The following E2F3 variants were observed in gnomAD, a reference collection of about 807,000 sequenced individuals.
E2F3 encodes E2F transcription factor 3.
In E2F3, 11 loss-of-function variants were observed where a neutral mutation model predicts 44.4. The observed-to-expected ratio is 0.25, with a 90% CI of 0.16 to 0.41. The LOEUF is 0.41. Among genes scored for constraint, E2F3 ranks in the 10% least tolerant of loss-of-function variants. E2F3 has a pLI of 1.00. For missense variants in E2F3, 487 were observed against 583.6 expected (o/e 0.83, Z 1.70); for synonymous variants, 249 against 253.0 (o/e 0.98, Z 0.15).
intron 1 of E2F3, chr6:20,403,684 CACCCTCCCTCTCCTCT>C: frequency 1.8e-6 from 1 of 566,112 alleles, no homozygotes; most frequent in Non-Finnish European, 3.0e-6. Context: ...CCGGCACCGC[CACCCTCCCTCTCCTCT>C]CCCCACCCCC....
chr6:20,444,832 G>A (rs1287273169), intron 1 of E2F3, among the ~76,000 whole-genome samples: 1 of 152,240 alleles, frequency 6.6e-6, no homozygotes. Context: ...AAGGTCTTGG[G>A]AAGTCCCCCT....
chr6:20,411,831 T>G (rs952390051), intron 1 of E2F3, among the ~76,000 whole-genome samples: 1 of 152,208 alleles, frequency 6.6e-6, no homozygotes, highest in Non-Finnish European at 1.5e-5. Flanking sequence ...CCTCATGGTC[T>G]GCCTCGTAGC....
chr6:20,436,532 C>T (rs1581599061), intron 1 of E2F3, among the ~76,000 whole-genome samples: 1 of 151,866 alleles, frequency 6.6e-6, no homozygotes, highest in African/African-American at 2.4e-5. Context: ...TCGTGAATTT[C>T]TGTTGGGATG....
chr6:20,466,676 C>T (rs577600829), intron 1 of E2F3, among the ~76,000 whole-genome samples: 139 of 136,348 alleles, frequency 1.0e-3, no homozygotes, highest in African/African-American at 3.5e-3. Flanking sequence ...TCATCCCTAT[C>T]GGTGTGTTCT....
chr6:20,434,435 T>C (rs1209479027), intron 1 of E2F3, among the ~76,000 whole-genome samples: 2 of 152,210 alleles, frequency 1.3e-5, no homozygotes, highest in Admixed American at 1.3e-4. Context: ...ATTTGTGGCA[T>C]AATTCGAGGT....
intron 5 of E2F3, among the ~76,000 whole-genome samples, chr6:20,487,288 G>A (rs1233284041): frequency 6.6e-6 from 1 of 152,110 alleles, no homozygotes; most frequent in Admixed American, 6.5e-5. Context: ...GATATACTTG[G>A]ATAATAGAGG....
At chr6:20,471,181 T>G (rs1212473637) in intron 1 of E2F3, among the ~76,000 whole-genome samples, 1 of 152,224 alleles carries the variant, frequency 6.6e-6, no homozygotes, top group Non-Finnish European at 1.5e-5. Context: ...TCACACCTGC[T>G]TTTTTTAAGT....
chr6:20,412,020 T>C (rs193064178), intron 1 of E2F3, among the ~76,000 whole-genome samples: 11 of 152,306 alleles, frequency 7.2e-5, no homozygotes, highest in East Asian at 1.9e-4. Flanking sequence ...ATTAGTCCTA[T>C]TGGGGATACA....
Position 20,402,363 on chromosome 6 carries a change from TCGCCGCCGCCGCCGC to T in E2F3, c.135_149del (p.Ala49_Ala53del), listed in dbSNP as rs559169760. ...AGGGCACTGCTAGCCAGCCCCGGCT[TCGCCGCCGCCGCCGC>T]CGCTGCCGCCGCCCCGGGCGCGTAC... is the stretch of plus-strand genomic sequence containing the variant. On this transcript the variant is annotated inframe_deletion, in exon 1 of 7. Transcript: ENST00000346618. The surrounding 1 kb of genome is among the most constrained non-coding windows in gnomAD (Gnocchi z 5.6). 10 of 1,605,520 alleles carry T rather than the reference TCGCCGCCGCCGCCGC, an allele frequency of 6.2e-6. No individual in the cohort carries two copies. The East Asian group carries it at 2.0e-4, about 33-fold the overall frequency.
intron 1 of E2F3, among the ~76,000 whole-genome samples, chr6:20,454,954 A>C (rs1314779914): frequency 6.6e-6 from 1 of 152,194 alleles, no homozygotes; most frequent in South Asian, 2.1e-4. Context: ...AACTAATTCT[A>C]TATCTCAGGG....
intron 1 of E2F3, among the ~76,000 whole-genome samples, chr6:20,445,882 G>C (rs907856158): frequency 6.6e-6 from 1 of 152,204 alleles, no homozygotes. Flanking sequence ...CCAGCTCGGG[G>C]TTTCTGGTGG....
At chr6:20,453,693 G>GCAGT (rs1180361745) in intron 1 of E2F3, among the ~76,000 whole-genome samples, 1 of 152,208 alleles carries the variant, frequency 6.6e-6, no homozygotes, top group South Asian at 2.1e-4. Flanking sequence ...ATAGGCAGGA[G>GCAGT]CAGTCGTGCC....
intron 1 of E2F3, among the ~76,000 whole-genome samples, chr6:20,474,955 C>T (rs1310107634): frequency 6.6e-6 from 1 of 152,194 alleles, no homozygotes; most frequent in Non-Finnish European, 1.5e-5. Flanking sequence ...ATAAAGTGCT[C>T]ACCTCCTGCT....
chr6:20,449,665 T>C (rs1581614103), intron 1 of E2F3, among the ~76,000 whole-genome samples: 1 of 152,188 alleles, frequency 6.6e-6, no homozygotes, highest in Non-Finnish European at 1.5e-5. Context: ...GCAGGTTTGT[T>C]ATATAGGGAA....
At chr6:20,457,612 A>C (rs57811653) in intron 1 of E2F3, among the ~76,000 whole-genome samples, 1,761 of 152,212 alleles carry the variant, frequency 0.012, 37 homozygotes, top group African/African-American at 0.04. Flanking sequence ...AAACACTCAT[A>C]AAAAGGAGAC....
chr6:20,485,937 A>G (rs1452829862), intron 4 of E2F3, among the ~76,000 whole-genome samples: 2 of 152,164 alleles, frequency 1.3e-5, no homozygotes, highest in Non-Finnish European at 2.9e-5. Flanking sequence ...CTGGAGTTTC[A>G]AAAAAATTAT....
intron 1 of E2F3, among the ~76,000 whole-genome samples, chr6:20,403,253 G>A (rs567950277): frequency 6.6e-6 from 1 of 152,156 alleles, no homozygotes; most frequent in East Asian, 2.0e-4. Context: ...GAAGCCGGGT[G>A]CGGACTGGGG....
intron 1 of E2F3, among the ~76,000 whole-genome samples, chr6:20,427,370 A>C (rs1288616182): frequency 2.0e-5 from 3 of 152,216 alleles, no homozygotes; most frequent in Non-Finnish European, 4.4e-5. Context: ...CAGAACAATA[A>C]TATGGTCCTG....
At chr6:20,486,324 G>A (rs1454575141) in intron 4 of E2F3, among the ~76,000 whole-genome samples, 1 of 152,194 alleles carries the variant, frequency 6.6e-6, no homozygotes, top group Non-Finnish European at 1.5e-5. Context: ...CCAGGCTGGA[G>A]TGCAGTGGCG....
Sources: allele counts gnomAD v4.1 joint callset (sites outside exome capture counted in the v4.1 genomes callset), GRCh38; gene constraint gnomAD v4.1.1; non-coding constraint Gnocchi (gnomAD v3.1); transcripts MANE v1.5; gene names NCBI Gene and HGNC (gene_info 2026-07-23, HGNC 2026-07-21).